TOP6BL: variants seen among roughly 807,000 people sequenced by gnomAD.
TOP6BL encodes type 2 DNA topoisomerase 6 subunit B-like.
At chr11:66,841,962 C>T in the TOP6BL span, among the ~76,000 whole-genome samples, 2 of 152,112 alleles carry the variant, frequency 1.3e-5, no homozygotes, top group Non-Finnish European at 1.5e-5. Context: ...CCTGTAATAC[C>T]GTCACTTTGG....
chr11:66,789,272 G>C, the TOP6BL span, among the ~76,000 whole-genome samples: 1 of 152,156 alleles, frequency 6.6e-6, no homozygotes, highest in Non-Finnish European at 1.5e-5. Flanking sequence ...GTTTGGTTTA[G>C]AGATCTCTTT....
the TOP6BL span, chr11:66,748,479 C>T: frequency 1.3e-6 from 2 of 1,548,674 alleles, no homozygotes; most frequent in Non-Finnish European, 8.7e-7. Flanking sequence ...GGATTAAATT[C>T]TAAGCACCAG....
chr11:66,804,316 T>A, the TOP6BL span: 1 of 884,866 alleles, frequency 1.1e-6, no homozygotes, highest in South Asian at 2.3e-5. Flanking sequence ...TAAAAACATA[T>A]AATCTAATGT....
At chr11:66,758,302 C>CTTTTTTTTTTTTTTTCTTT in the TOP6BL span, 1 of 67,318 alleles carries the variant, frequency 1.5e-5, no homozygotes, top group African/African-American at 7.1e-5. Context: ...TTTTCTTTTT[C>CTTTTTTTTTTTTTTTCTTT]TTTTTTTTTT....
chr11:66,744,886 C>G, the TOP6BL span: 1 of 1,289,970 alleles, frequency 7.8e-7, no homozygotes, highest in Non-Finnish European at 9.8e-7. Context: ...GTTCCCTGCG[C>G]GGCATGGAGG....
the TOP6BL span, among the ~76,000 whole-genome samples, chr11:66,831,717 C>T: frequency 5.3e-5 from 8 of 151,914 alleles, no homozygotes; most frequent in African/African-American, 1.2e-4. Flanking sequence ...CATTTTCGGC[C>T]GGGTGCGGTG....
chr11:66,764,838 G>C, the TOP6BL span, among the ~76,000 whole-genome samples: 257 of 151,914 alleles, frequency 1.7e-3, no homozygotes, highest in African/African-American at 5.9e-3. Flanking sequence ...AATCAGCTAG[G>C]TGTGCCTGGG....
chr11:66,754,295 T>C, the TOP6BL span, among the ~76,000 whole-genome samples: 1 of 152,212 alleles, frequency 6.6e-6, no homozygotes, highest in African/African-American at 2.4e-5. Context: ...ACTTCTATTA[T>C]TTAGATATTA....
chr11:66,800,751 A>T, the TOP6BL span: 1 of 1,423,114 alleles, frequency 7.0e-7, no homozygotes, highest in Non-Finnish European at 9.6e-7. Flanking sequence ...AATTTTTCTC[A>T]GCTATTATTG....
the TOP6BL span, among the ~76,000 whole-genome samples, chr11:66,757,206 G>T: frequency 3.3e-5 from 5 of 152,000 alleles, no homozygotes; most frequent in African/African-American, 1.2e-4. Flanking sequence ...AGTCGGGCGC[G>T]GTGGCGTATG....
chr11:66,768,369 G>A, the TOP6BL span, among the ~76,000 whole-genome samples: 1 of 151,428 alleles, frequency 6.6e-6, no homozygotes, highest in East Asian at 1.9e-4. Flanking sequence ...TTTTTCCCCC[G>A]GGAGCTCATT....
chr11:66,835,561 G>GT, the TOP6BL span, among the ~76,000 whole-genome samples: 1 of 152,190 alleles, frequency 6.6e-6, no homozygotes, highest in Non-Finnish European at 1.5e-5. Flanking sequence ...CCTATTCGCA[G>GT]TGAGTCCCAG....
the TOP6BL span, among the ~76,000 whole-genome samples, chr11:66,817,863 A>G: frequency 2.0e-5 from 3 of 152,146 alleles, no homozygotes; most frequent in South Asian, 6.2e-4. Context: ...ATTCTTAAAT[A>G]GAGTAAAATT....
At chr11:66,827,966 G>GAAAAAAA in the TOP6BL span, among the ~76,000 whole-genome samples, 1 of 30,114 alleles carries the variant, frequency 3.3e-5, no homozygotes, top group Admixed American at 4.9e-4. Context: ...CTCTGTCTCA[G>GAAAAAAA]AAAAAAAAAA....
chr11:66,842,949 GGCCGCCCCGC>G, the TOP6BL span: 31 of 1,555,394 alleles, frequency 2.0e-5, no homozygotes, highest in South Asian at 3.0e-4. Flanking sequence ...GCCCGTCAGA[GGCCGCCCCGC>G]GCCGCCCGGA....
chr11:66,781,441 T>A, the TOP6BL span, among the ~76,000 whole-genome samples: 20 of 152,326 alleles, frequency 1.3e-4, no homozygotes, highest in South Asian at 4.1e-4. Flanking sequence ...TCCTATCAGT[T>A]CACTCATTAA....
the TOP6BL span, among the ~76,000 whole-genome samples, chr11:66,840,615 C>G: frequency 6.6e-6 from 1 of 152,126 alleles, no homozygotes; most frequent in Non-Finnish European, 1.5e-5. Flanking sequence ...CTGCATGCAC[C>G]CTGTCTCCCT....
the TOP6BL span, among the ~76,000 whole-genome samples, chr11:66,799,333 C>G: frequency 6.8e-6 from 1 of 147,250 alleles, no homozygotes; most frequent in Non-Finnish European, 1.5e-5. Flanking sequence ...TTGCGGTGAG[C>G]TGAGATTTTG....
the TOP6BL span, chr11:66,788,285 G>A: frequency 6.5e-7 from 1 of 1,528,944 alleles, no homozygotes; most frequent in Non-Finnish European, 9.0e-7. Flanking sequence ...TTTTGTTGTG[G>A]TCTTATAAAT....
Sources: gnomAD v4.1 joint callset for allele counts (sites outside exome capture counted in the v4.1 genomes callset) on GRCh38, gnomAD v4.1.1 for gene constraint, MANE v1.5 for transcripts, NCBI Gene and HGNC (gene_info 2026-07-23, HGNC 2026-07-21) for gene names.